The following REC114 variants were observed in gnomAD, a reference collection of about 807,000 sequenced individuals.
The protein encoded by REC114 is REC114 meiotic recombination protein, also known as meiotic recombination protein REC114.
REC114 carries 27 observed loss-of-function variants against 31.3 expected under a neutral mutation model. That is an observed-to-expected ratio of 0.86 (90% CI 0.64 to 1.19). REC114 has a LOEUF of 1.19. REC114 is among the 50% of genes most tolerant of loss of function. The probability of loss-of-function intolerance (pLI) is 0.00; values close to 1 mark genes in which losing one functional copy is unlikely to be tolerated. For missense variants in REC114, 344 were observed against 326.9 expected (o/e 1.05, Z -0.40); for synonymous variants, 134 against 127.7 (o/e 1.05, Z -0.33).
intron 1 of REC114, among the ~76,000 whole-genome samples, chr15:73,470,635 C>T (rs1893121816): frequency 6.6e-6 from 1 of 152,112 alleles, no homozygotes; most frequent in Admixed American, 6.5e-5. Flanking sequence ...TCTCTATCTT[C>T]ATGGAGCTTA....
intron 1 of REC114, among the ~76,000 whole-genome samples, chr15:73,459,997 A>T (rs932110543): frequency 7.9e-5 from 12 of 152,256 alleles, no homozygotes; most frequent in African/African-American, 2.9e-4. Flanking sequence ...GAATTATGTC[A>T]TGTACATTGT....
chr15:73,527,001 AG>A (rs1009145951), intron 2 of REC114, among the ~76,000 whole-genome samples: 43 of 152,206 alleles, frequency 2.8e-4, no homozygotes, highest in Admixed American at 5.2e-4. Context: ...AAATAGAGAT[AG>A]GGTCTCATTA....
At chr15:73,490,099 A>G (rs1356726160) in intron 2 of REC114, among the ~76,000 whole-genome samples, 1 of 152,250 alleles carries the variant, frequency 6.6e-6, no homozygotes, top group Non-Finnish European at 1.5e-5. Context: ...TCACCATTCC[A>G]AAAGAATTTC....
At chr15:73,487,194 A>G (rs935819599) in intron 2 of REC114, among the ~76,000 whole-genome samples, 1 of 152,156 alleles carries the variant, frequency 6.6e-6, no homozygotes, top group African/African-American at 2.4e-5. Context: ...CAGACCATCA[A>G]TTCCACCCCT....
chr15:73,555,187 C>T (rs1278048538), intron 4 of REC114, among the ~76,000 whole-genome samples: 1 of 152,170 alleles, frequency 6.6e-6, no homozygotes, highest in Non-Finnish European at 1.5e-5. Context: ...TTGGCATCTC[C>T]TGCCTTCTGG....
At chr15:73,454,248 G>A (rs1892888746) in intron 1 of REC114, among the ~76,000 whole-genome samples, 1 of 152,174 alleles carries the variant, frequency 6.6e-6, no homozygotes, top group Admixed American at 6.6e-5. Flanking sequence ...AGGGGAAAGA[G>A]TGATTGATTA....
Position 73,473,921 on chromosome 15 carries a change from G to T in REC114, c.249G>T (p.Leu83=). The T allele has an allele frequency of 6.4e-7, 1 of 1,556,960 alleles. No individual in the cohort carries two copies. The highest frequency in any genetic ancestry group is 2.3e-5 in the East Asian group (1 of 44,114). ...TCATTTTCCAAGGACAGACACTACT[G>T]GTAGGTTTTATGCATAACAGTTTAA... ...HFFIFQGQTL[L]EGFSLIGSKD... Residue 83 remains leucine, a splice_region_variant and synonymous_variant, in exon 2 of 6, where the codon CTG becomes CTT. Coordinates refer to ENST00000331090, the MANE Select transcript of REC114 (RefSeq NM_001042367.2).
At chr15:73,536,730 CTT>C (rs1172876324) in intron 2 of REC114, among the ~76,000 whole-genome samples, 2 of 152,126 alleles carry the variant, frequency 1.3e-5, no homozygotes, top group East Asian at 3.9e-4. Context: ...GGAAAGAACT[CTT>C]TCTGAATTTT....
chr15:73,444,480 T>C (rs1892740444), intron 1 of REC114, among the ~76,000 whole-genome samples: 1 of 152,232 alleles, frequency 6.6e-6, no homozygotes, highest in Admixed American at 6.5e-5. Flanking sequence ...TGCTCATCCA[T>C]AAAAAGCAAC....
intron 4 of REC114, among the ~76,000 whole-genome samples, chr15:73,551,964 T>C (rs564031013): frequency 6.6e-6 from 1 of 152,332 alleles, no homozygotes; most frequent in Non-Finnish European, 1.5e-5. Flanking sequence ...ATTTACTTGT[T>C]TATAAGTAAT....
intron 1 of REC114, among the ~76,000 whole-genome samples, chr15:73,449,614 G>A (rs950243754): frequency 3.3e-5 from 5 of 152,078 alleles, no homozygotes; most frequent in African/African-American, 1.2e-4. Context: ...TAGCAAGGCC[G>A]GCCAACATTC....
At chr15:73,550,535 C>T (rs1894372544) in intron 3 of REC114, among the ~76,000 whole-genome samples, 3 of 152,322 alleles carry the variant, frequency 2.0e-5, no homozygotes. Context: ...TTTGGTATTA[C>T]TCAGTTTAGA....
At chr15:73,514,605 GT>G (rs1216538613) in intron 2 of REC114, among the ~76,000 whole-genome samples, 1 of 152,124 alleles carries the variant, frequency 6.6e-6, no homozygotes, top group Non-Finnish European at 1.5e-5. Context: ...TAAAGTGGAA[GT>G]ATTCATAATG....
intron 2 of REC114, among the ~76,000 whole-genome samples, chr15:73,510,259 A>G (rs1244352289): frequency 6.6e-6 from 1 of 152,182 alleles, no homozygotes; most frequent in African/African-American, 2.4e-5. Context: ...TTGTTGGTGT[A>G]TAAGAATGCT....
chr15:73,452,053 G>A (rs1055438447), intron 1 of REC114, among the ~76,000 whole-genome samples: 20 of 152,046 alleles, frequency 1.3e-4, no homozygotes, highest in South Asian at 2.1e-4. Flanking sequence ...AACTGGAAGC[G>A]TTCCCTTTGA....
At chr15:73,471,649 A>C (rs1261209435) in intron 1 of REC114, among the ~76,000 whole-genome samples, 1 of 151,302 alleles carries the variant, frequency 6.6e-6, no homozygotes, top group Non-Finnish European at 1.5e-5. Context: ...CTATGATTTG[A>C]AAAAAAAATA....
At chr15:73,475,905 C>A (rs1174686557) in intron 2 of REC114, among the ~76,000 whole-genome samples, 1 of 152,136 alleles carries the variant, frequency 6.6e-6, no homozygotes, top group African/African-American at 2.4e-5. Flanking sequence ...GGTAAGTGCC[C>A]TATACAGGTG....
At chr15:73,498,670 T>C (rs1198845127) in intron 2 of REC114, among the ~76,000 whole-genome samples, 1 of 152,186 alleles carries the variant, frequency 6.6e-6, no homozygotes, top group East Asian at 1.9e-4. Context: ...TCTATTTCAT[T>C]TTAATGAATA....
At chr15:73,549,832 A>G (rs1224370983) in intron 3 of REC114, among the ~76,000 whole-genome samples, 1 of 152,206 alleles carries the variant, frequency 6.6e-6, no homozygotes, top group Non-Finnish European at 1.5e-5. Flanking sequence ...TAAACATGAT[A>G]GCTTACCATT....
Sources: gnomAD v4.1 joint callset for allele counts (sites outside exome capture counted in the v4.1 genomes callset) on GRCh38, gnomAD v4.1.1 for gene constraint, MANE v1.5 for transcripts, NCBI Gene and HGNC (gene_info 2026-07-23, HGNC 2026-07-21) for gene names.